ZNF599: variants seen among roughly 807,000 people sequenced by gnomAD.
ZNF599 encodes the protein zinc finger protein 599.
ZNF599 carries 10 observed loss-of-function variants against 11.7 expected under a neutral mutation model. That is an observed-to-expected ratio of 0.86 (90% CI 0.53 to 1.45). ZNF599 has a LOEUF of 1.45. Ranked by LOEUF, ZNF599 falls within the 40% of genes most tolerant of loss-of-function variation. ZNF599 has a pLI of 0.00. For synonymous variants in ZNF599, 232 were observed against 253.2 expected (o/e 0.92, Z 0.79); for missense variants, 688 against 713.6 (o/e 0.96, Z 0.41).
At chr19:34,798,851 C>T in the ZNF599 span, among the ~76,000 whole-genome samples, 2 of 152,260 alleles carry the variant, frequency 1.3e-5, no homozygotes, top group East Asian at 1.9e-4. Flanking sequence ...TTTTGACAAA[C>T]GCAAACAGTA....
At position 34,758,622 on chromosome 19, in the gene ZNF599, A is replaced by C. The variant is rs1314218000; in HGVS notation, c.*412T>G. 1.3e-5 allele frequency: 2 copies of C among 159,498 alleles called. No homozygotes were observed. The highest frequency in any genetic ancestry group is 2.8e-5 in the Non-Finnish European group (2 of 72,674). The allele number at this position is 159,498 out of a possible 1,614,324, so 9.9% of individuals were successfully genotyped here. Reference sequence around the variant, plus strand: ...AACTGTCATAAACAGGGAAACTGAAAACAAGTTATGCACATCTTTTTCTTT... The same window carrying C: ...AACTGTCATAAACAGGGAAACTGAACACAAGTTATGCACATCTTTTTCTTT... On this transcript the variant is annotated 3_prime_UTR_variant, in exon 4 of 4. Transcript: ENST00000329285.
At chr19:34,784,630 T>A in the ZNF599 span, among the ~76,000 whole-genome samples, 9 of 152,120 alleles carry the variant, frequency 5.9e-5, no homozygotes, top group Middle Eastern at 3.4e-3. Flanking sequence ...ATTCTATTCC[T>A]TCATCACCAT....
At chr19:34,790,866 T>C in the ZNF599 span, among the ~76,000 whole-genome samples, 1 of 152,074 alleles carries the variant, frequency 6.6e-6, no homozygotes, top group Admixed American at 6.6e-5. Flanking sequence ...CCCCATAAAT[T>C]CATATTATTT....
intron 3 of ZNF599, chr19:34,766,900 G>A (rs1019489303): frequency 5.0e-5 from 8 of 159,462 alleles, no homozygotes; most frequent in Middle Eastern, 6.1e-3. Context: ...ATAAATACAG[G>A]GTACACAGCT....
upstream of ZNF599, among the ~76,000 whole-genome samples, chr19:34,774,122 A>G (rs1161774649): frequency 6.6e-6 from 1 of 152,200 alleles, no homozygotes; most frequent in African/African-American, 2.4e-5. Context: ...AGGTAGACCT[A>G]TTGCCCAAGG....
upstream of ZNF599, among the ~76,000 whole-genome samples, chr19:34,773,424 G>A (rs1034113586): frequency 1.4e-4 from 22 of 152,066 alleles, no homozygotes; most frequent in African/African-American, 3.9e-4. Flanking sequence ...TAAAGGAGAG[G>A]CACACAGAGT....
At chr19:34,807,127 GT>G in the ZNF599 span, among the ~76,000 whole-genome samples, 7 of 152,306 alleles carry the variant, frequency 4.6e-5, no homozygotes, top group African/African-American at 1.7e-4. Flanking sequence ...TGATCCCTCA[GT>G]CTGTAACAAT....
chr19:34,770,022 G>C (rs868508669), intron 1 of ZNF599, among the ~76,000 whole-genome samples: 2 of 152,184 alleles, frequency 1.3e-5, no homozygotes, highest in African/African-American at 4.8e-5. Flanking sequence ...TGTGACCTTG[G>C]AGAAGTCTCT....
intron 3 of ZNF599, among the ~76,000 whole-genome samples, chr19:34,765,910 G>A (rs2069139216): frequency 6.6e-6 from 1 of 152,182 alleles, no homozygotes; most frequent in Non-Finnish European, 1.5e-5. Context: ...GGAGCTGATG[G>A]AAACTAGTGA....
At position 34,773,141 on chromosome 19, in the gene ZNF599, G is replaced by C. The variant is rs1177694706; in HGVS notation, c.-300C>G. 7.6e-6 allele frequency: 3 copies of C among 393,400 alleles called. No individual in the cohort carries two copies. Among genetic ancestry groups the C allele is most frequent in the African/African-American group, 4.2e-5 (2 of 48,036 alleles). 24.4% of individuals were successfully genotyped at this position (393,400 alleles called of 1,614,324 possible). Reference sequence around the variant, plus strand: ...TACTCGGTCTCGAAAAGTGGCCCCTGTCTGGCGTTCTACCCAGTGTAGCGT... The same window carrying C: ...TACTCGGTCTCGAAAAGTGGCCCCTCTCTGGCGTTCTACCCAGTGTAGCGT... On this transcript the variant is annotated 5_prime_UTR_variant, in exon 1 of 4. Coordinates refer to ENST00000329285, the MANE Select transcript of ZNF599 (RefSeq NM_001007248.3).
chr19:34,800,310 C>G, the ZNF599 span, among the ~76,000 whole-genome samples: 1 of 152,170 alleles, frequency 6.6e-6, no homozygotes, highest in Non-Finnish European at 1.5e-5. Context: ...TATAGTTACT[C>G]CTGCTTTATT....
chr19:34,801,327 A>C, the ZNF599 span, among the ~76,000 whole-genome samples: 1 of 152,206 alleles, frequency 6.6e-6, no homozygotes, highest in African/African-American at 2.4e-5. Flanking sequence ...CATTAATAAG[A>C]CCTTTCTCCA....
At chr19:34,791,857 A>G in the ZNF599 span, 1 of 152,236 alleles carries the variant, frequency 6.6e-6, no homozygotes, top group East Asian at 1.9e-4. Flanking sequence ...TCTTCACCAC[A>G]CAATAATCTT....
At chr19:34,782,627 G>A in the ZNF599 span, among the ~76,000 whole-genome samples, 18 of 152,294 alleles carry the variant, frequency 1.2e-4, no homozygotes, top group South Asian at 2.1e-3. Flanking sequence ...CATGTGCCAG[G>A]ACAGCAGAGA....
At chr19:34,794,479 C>A in the ZNF599 span, among the ~76,000 whole-genome samples, 1 of 152,132 alleles carries the variant, frequency 6.6e-6, no homozygotes, top group Non-Finnish European at 1.5e-5. Flanking sequence ...TTTTGATCAG[C>A]GGGGCCTTGT....
At chr19:34,798,783 A>C in the ZNF599 span, among the ~76,000 whole-genome samples, 1 of 152,156 alleles carries the variant, frequency 6.6e-6, no homozygotes, top group African/African-American at 2.4e-5. Context: ...CAACCTCTGA[A>C]TTTATTACAT....
upstream of ZNF599, chr19:34,773,265 A>G (rs920581899): frequency 8.9e-5 from 17 of 191,466 alleles, no homozygotes; most frequent in African/African-American, 3.5e-4. Context: ...CCTTCCGTCT[A>G]TGGCTTGGGG....
upstream of ZNF599, among the ~76,000 whole-genome samples, chr19:34,774,587 T>G (rs1434490088): frequency 6.6e-6 from 1 of 152,152 alleles, no homozygotes; most frequent in African/African-American, 2.4e-5. Context: ...TAGCTCCACA[T>G]GTAAGAGAAG....
chr19:34,776,355 A>C (rs1030632701), upstream of ZNF599, among the ~76,000 whole-genome samples: 4 of 152,188 alleles, frequency 2.6e-5, no homozygotes, highest in African/African-American at 9.7e-5. Flanking sequence ...TATTCACTTC[A>C]CACAAGACTA....
Sources: allele counts gnomAD v4.1 joint callset (sites outside exome capture counted in the v4.1 genomes callset), GRCh38; gene constraint gnomAD v4.1.1; transcripts MANE v1.5; gene names NCBI Gene and HGNC (gene_info 2026-07-23, HGNC 2026-07-21).